The following ASIC2 variants were observed in gnomAD, a reference collection of about 807,000 sequenced individuals.
The protein encoded by ASIC2 is acid-sensing ion channel 2.
Under a neutral mutation model 57.3 loss-of-function variants are expected in ASIC2, and 25 were observed. The ratio of observed to expected loss-of-function variants is 0.44; its 90% CI spans 0.32 to 0.61. The LOEUF (loss-of-function observed/expected upper bound fraction) is 0.61, where lower values mean the gene tolerates loss of function less well. ASIC2 is among the 20% of genes least tolerant of loss of function. ASIC2 has a pLI of 0.06. For missense variants in ASIC2, 641 were observed against 738.1 expected, an observed-to-expected ratio of 0.87 and a Z score of 1.52; for synonymous variants, 319 against 307.5, an observed-to-expected ratio of 1.04 and a Z score of -0.39.
At chr17:33,885,661 C>G (rs1005980901) in intron 1 of ASIC2, among the ~76,000 whole-genome samples, 1 of 152,172 alleles carries the variant, frequency 6.6e-6, no homozygotes, top group Admixed American at 6.5e-5. Flanking sequence ...CAAAAATATG[C>G]TATTCTTCTG....
rs749119433 is a variant in ASIC2 at position 33,894,195 on chromosome 17, A to G, written c.555+261783T>C. Among the ~76,000 whole-genome samples the G allele has an allele frequency of 6.1e-4, 93 of 152,312 alleles. No individual in the cohort carries two copies. In the Middle Eastern group the frequency reaches 0.017, roughly 28 times the overall value. ...GAAGAGGATTCAGCAACTTTGCACA[A>G]TTGCTTCCTGCCAGATGTGAAATTA... is the stretch of plus-strand genomic sequence containing the variant. On this transcript the variant is annotated intron_variant, in intron 1 of 9. Coordinates refer to the ASIC2 transcript ENST00000359872.
chr17:33,429,019 C>A (rs1911312669), intron 1 of ASIC2, among the ~76,000 whole-genome samples: 1 of 152,136 alleles, frequency 6.6e-6, no homozygotes, highest in Non-Finnish European at 1.5e-5. Context: ...GGAGTCCTAG[C>A]AGATGAAGAT....
intron 1 of ASIC2, among the ~76,000 whole-genome samples, chr17:33,390,437 T>C (rs1909848976): frequency 6.6e-6 from 1 of 152,228 alleles, no homozygotes; most frequent in Non-Finnish European, 1.5e-5. Flanking sequence ...AATTATATAT[T>C]GCTATGCAAC....
intron 1 of ASIC2, among the ~76,000 whole-genome samples, chr17:33,599,357 A>T (rs1318480088): frequency 6.6e-6 from 1 of 152,078 alleles, no homozygotes; most frequent in Non-Finnish European, 1.5e-5. Context: ...GAGCCTGATG[A>T]GGTATGTGGA....
chr17:33,712,103 G>A (rs1449869102), intron 1 of ASIC2, among the ~76,000 whole-genome samples: 1 of 152,196 alleles, frequency 6.6e-6, no homozygotes, highest in Admixed American at 6.5e-5. Context: ...CTTTGGAGAA[G>A]TTACTGAGTC....
intron 3 of ASIC2, among the ~76,000 whole-genome samples, chr17:33,060,753 G>C (rs1345949766): frequency 6.6e-6 from 1 of 152,202 alleles, no homozygotes; most frequent in Non-Finnish European, 1.5e-5. Flanking sequence ...ACCTTGGGCA[G>C]TATGGCCATT....
intron 1 of ASIC2, among the ~76,000 whole-genome samples, chr17:33,214,410 C>T (rs1907397153): frequency 6.6e-6 from 1 of 152,174 alleles, no homozygotes; most frequent in African/African-American, 2.4e-5. Context: ...GGTGAATCTG[C>T]TCATCCTCTC....
intron 1 of ASIC2, among the ~76,000 whole-genome samples, chr17:33,410,404 C>T (rs1158764948): frequency 6.6e-6 from 1 of 152,160 alleles, no homozygotes; most frequent in Non-Finnish European, 1.5e-5. Flanking sequence ...AGAAACCTAT[C>T]TTTAGCTTAT....
At chr17:33,420,044 A>C (rs1910991510) in intron 1 of ASIC2, among the ~76,000 whole-genome samples, 1 of 152,194 alleles carries the variant, frequency 6.6e-6, no homozygotes, top group African/African-American at 2.4e-5. Flanking sequence ...GGGAGAGAGG[A>C]GGCTTTCTTT....
intron 1 of ASIC2, among the ~76,000 whole-genome samples, chr17:33,864,789 T>C (rs1208900367): frequency 6.6e-6 from 1 of 152,154 alleles, no homozygotes; most frequent in Non-Finnish European, 1.5e-5. Context: ...AGTCATGGCC[T>C]ACAAAACAGA....
At chr17:33,297,861 A>G (rs1905782557), upstream of ASIC2, among the ~76,000 whole-genome samples, 1 of 147,372 alleles carries the variant, frequency 6.8e-6, no homozygotes, top group Non-Finnish European at 1.5e-5. Context: ...TAAATAAATA[A>G]ATAAATAATA....
Position 33,821,636 on chromosome 17 carries a change from C to T in ASIC2, c.555+334342G>A, listed in dbSNP as rs73986800. On this transcript the variant is annotated intron_variant, in intron 1 of 9. Transcript: ENST00000359872. ...CCCAAGTCTAATTTGCACATGGCTT[C>T]GTGATATTTAACCAAATGTGGGAAG... Among the ~76,000 whole-genome samples the T allele has an allele frequency of 7.2e-3, 1,090 of 152,262 alleles. 14 individuals carry two copies. The highest frequency in any genetic ancestry group is 0.025 in the African/African-American group (1,040 of 41,560).
At chr17:33,861,508 C>G (rs1914101017) in intron 1 of ASIC2, among the ~76,000 whole-genome samples, 1 of 152,126 alleles carries the variant, frequency 6.6e-6, no homozygotes, top group East Asian at 1.9e-4. Flanking sequence ...GTTTACGCAT[C>G]TAATAACTAA....
intron 3 of ASIC2, among the ~76,000 whole-genome samples, chr17:33,055,436 C>T (rs1261559978): frequency 6.6e-6 from 1 of 152,220 alleles, no homozygotes; most frequent in Non-Finnish European, 1.5e-5. Flanking sequence ...GAACTTCCTG[C>T]TCCCCCGTCT....
chr17:33,779,147 G>A (rs1390355408), intron 1 of ASIC2, among the ~76,000 whole-genome samples: 1 of 152,136 alleles, frequency 6.6e-6, no homozygotes, highest in Non-Finnish European at 1.5e-5. Context: ...TGCCATTCCA[G>A]GGTAATAAGT....
chr17:33,189,018 C>A (rs916495911), intron 1 of ASIC2, among the ~76,000 whole-genome samples: 2 of 152,032 alleles, frequency 1.3e-5, no homozygotes, highest in East Asian at 3.8e-4. Flanking sequence ...GAGGGAAGTA[C>A]ACTTTTGTAA....
intron 1 of ASIC2, among the ~76,000 whole-genome samples, chr17:33,532,164 G>A (rs1384846281): frequency 6.6e-6 from 1 of 152,164 alleles, no homozygotes; most frequent in African/African-American, 2.4e-5. Context: ...CACTAAGCTG[G>A]CACCTCCACG....
Position 33,269,747 on chromosome 17 carries a change from C to T in ASIC2, c.708+21661G>A, listed in dbSNP as rs12603923. ...TCCTCCCTCCCTCCTTCCTTCCTTCCTTCTTTCCTTCCTTCCTTCCTTCCT... is the reference window on the plus strand; with the variant it reads ...TCCTCCCTCCCTCCTTCCTTCCTTCTTTCTTTCCTTCCTTCCTTCCTTCCT... On this transcript the variant is annotated intron_variant, in intron 1 of 9. Transcript: ENST00000225823. 1.8e-3 allele frequency among the ~76,000 whole-genome samples: 102 copies of T among 57,212 alleles called. 7 individuals carry two copies. Among genetic ancestry groups the T allele is most frequent in the African/African-American group, 4.7e-3 (86 of 18,356 alleles). 37.5% of individuals were successfully genotyped at this position (57,212 alleles called of 152,430 possible). A position where few individuals can be genotyped will look rare whatever the true frequency, so the allele number is the denominator to read the frequency against.
chr17:33,585,229 A>AGAGCCAGGCAGGCCAC (rs35473702), intron 1 of ASIC2, among the ~76,000 whole-genome samples: 75,018 of 151,126 alleles, frequency 0.5, 19,189 homozygotes, highest in African/African-American at 0.62. Flanking sequence ...AATCAGGGCA[A>AGAGCCAGGCAGGCCAC]GAGCCAGGCA....
Sources: allele counts gnomAD v4.1 joint callset (sites outside exome capture counted in the v4.1 genomes callset), GRCh38; gene constraint gnomAD v4.1.1; transcripts MANE v1.5; gene names NCBI Gene and HGNC (gene_info 2026-07-23, HGNC 2026-07-21).